JDP2: variants seen among roughly 807,000 people sequenced by gnomAD.
JDP2 encodes the protein progesterone receptor co-activator.
A neutral mutation model predicts 17.1 loss-of-function variants in JDP2; 9 were observed. The ratio of observed to expected loss-of-function variants is 0.53; its 90% CI spans 0.32 to 0.92. The LOEUF (loss-of-function observed/expected upper bound fraction) is 0.92, where lower values mean the gene tolerates loss of function less well. JDP2 is among the 40% of genes least tolerant of loss of function. JDP2 has a pLI of 0.04. For synonymous variants in JDP2, 107 were observed against 95.6 expected, an observed-to-expected ratio of 1.12 and a Z score of -0.69; for missense variants, 179 against 220.0, an observed-to-expected ratio of 0.81 and a Z score of 1.18.
At chr14:75,459,745 A>G (rs765409949) in intron 2 of JDP2, among the ~76,000 whole-genome samples, 17 of 152,308 alleles carry the variant, frequency 1.1e-4, no homozygotes, top group South Asian at 2.1e-4. Context: ...CTAATGGCCT[A>G]TGACTCTGGT....
intron 2 of JDP2, among the ~76,000 whole-genome samples, chr14:75,442,052 G>C (rs1000344294): frequency 3.9e-5 from 6 of 152,098 alleles, no homozygotes; most frequent in African/African-American, 1.4e-4. Context: ...CGGTGCTCTA[G>C]AGGGGACTCA....
At chr14:75,433,290 G>A (rs1884903534) in intron 1 of JDP2, among the ~76,000 whole-genome samples, 1 of 135,048 alleles carries the variant, frequency 7.4e-6, no homozygotes, top group Non-Finnish European at 1.6e-5. Flanking sequence ...GGCAAAAACC[G>A]TGATTACTTT....
rs115136598 is a variant in JDP2 at position 75,456,342 on chromosome 14, C to T, written c.202-5084C>T. Among the ~76,000 whole-genome samples, 1,200 of 152,278 alleles carry T rather than the reference C, an allele frequency of 7.9e-3. 12 individuals are homozygous for T. Among genetic ancestry groups the T allele is most frequent in the African/African-American group, 0.027 (1,122 of 41,550 alleles). ...GTCTCTCTCTCCCCTTCTTCATCTC[C>T]GTGTTCTGTGTGTTTCTCTGTCCCA... On this transcript the variant is annotated intron_variant, in intron 2 of 3. Transcript: ENST00000651602.
Position 75,438,100 on chromosome 14 carries a change from G to A in JDP2, c.180G>A (p.Arg60=), listed in dbSNP as rs1182251597. ...LHFLEVKLGK[R]PQPVKSELDE... is the part of the protein sequence containing the mutation. The stretch of plus-strand genomic sequence containing the variant: ...TCCTGGAGGTGAAACTGGGCAAGAG[G>A]CCCCAGCCCGTGAAAAGTGAGGTGA... The change falls in exon 2 of 4, where the codon AGG becomes AGA. Residue 60 remains arginine, a synonymous_variant. Transcript: ENST00000651602. The A allele has an allele frequency of 1.9e-6, 3 of 1,610,498 alleles. No homozygotes were observed. Among genetic ancestry groups the A allele is most frequent in the East Asian group, 4.5e-5 (2 of 44,780 alleles).
intron 2 of JDP2, among the ~76,000 whole-genome samples, chr14:75,438,698 G>T (rs1885192977): frequency 6.6e-6 from 1 of 152,214 alleles, no homozygotes; most frequent in Admixed American, 6.5e-5. Context: ...GTCCGCCTTA[G>T]ATGGCGTTTG....
At chr14:75,432,202 G>A (rs1051851332) in intron 1 of JDP2, 4 of 905,030 alleles carry the variant, frequency 4.4e-6, no homozygotes, top group Non-Finnish European at 5.2e-6. Context: ...CTTGCTTCTC[G>A]CCTTCTGGAT....
Position 75,461,551 on chromosome 14 carries a change from G to A in JDP2, c.306+21G>A, listed in dbSNP as rs762362778. ...AGCGGGTGAGCTGACCGGGTGGGTGGGGAGGCCTGCCATTCCTTGGAGTGA... is the reference window on the plus strand; with the variant it reads ...AGCGGGTGAGCTGACCGGGTGGGTGAGGAGGCCTGCCATTCCTTGGAGTGA... On this transcript the variant is annotated intron_variant, in intron 3 of 3. Transcript: ENST00000651602. 131 of 1,563,266 alleles carry A rather than the reference G, an allele frequency of 8.4e-5. 5 individuals carry two copies. In the South Asian group the frequency reaches 1.5e-3, roughly 18 times the overall value.
Position 75,461,503 on chromosome 14 carries a change from G to A in JDP2, c.279G>A (p.Lys93=). The A allele has an allele frequency of 1.2e-6, 2 of 1,608,852 alleles. No homozygotes were observed. The highest frequency in any genetic ancestry group is 1.7e-6 in the Non-Finnish European group (2 of 1,178,616). ...CAGCAGCCCGATGCCGGAACAAGAA[G>A]AAGGAGCGCACGGAGTTTCTGCAGC... ...KVAAARCRNK[K]KERTEFLQRE... is the part of the protein sequence containing the mutation. The change falls in exon 3 of 4, where the codon AAG becomes AAA. Residue 93 remains lysine (K), a synonymous_variant. Transcript: ENST00000651602.
intron 2 of JDP2, among the ~76,000 whole-genome samples, chr14:75,454,373 C>T (rs1049631434): frequency 2.0e-5 from 3 of 152,250 alleles, no homozygotes; most frequent in Admixed American, 1.3e-4. Context: ...TGAGCATCTA[C>T]GCAGCCTTGA....
At chr14:75,466,458 T>TTCAAA (rs1443937552) in intron 3 of JDP2, among the ~76,000 whole-genome samples, 6 of 152,082 alleles carry the variant, frequency 3.9e-5, no homozygotes, top group Non-Finnish European at 5.9e-5. Context: ...AAAAAGCAGT[T>TTCAAA]AGTTACATTC....
chr14:75,467,665 G>A (rs942482852), intron 3 of JDP2, among the ~76,000 whole-genome samples: 1 of 152,116 alleles, frequency 6.6e-6, no homozygotes, highest in African/African-American at 2.4e-5. Flanking sequence ...CCAGTGAGCA[G>A]GGGGCTGACA....
intron 2 of JDP2, among the ~76,000 whole-genome samples, chr14:75,452,445 C>T (rs754675914): frequency 2.0e-5 from 3 of 152,124 alleles, no homozygotes; most frequent in Non-Finnish European, 2.9e-5. Context: ...CTGATTGACT[C>T]GAGGTCACAG....
chr14:75,454,835 G>C (rs1886031209), intron 2 of JDP2, among the ~76,000 whole-genome samples: 1 of 152,042 alleles, frequency 6.6e-6, no homozygotes. Flanking sequence ...GGGCGATGTA[G>C]TGGAAGGTCA....
chr14:75,446,340 CA>C (rs57632457), intron 2 of JDP2, among the ~76,000 whole-genome samples: 16,433 of 152,156 alleles, frequency 0.11, 2,061 homozygotes, highest in African/African-American at 0.3. Flanking sequence ...CATGTCCACA[CA>C]AAAACATACA....
intron 3 of JDP2, among the ~76,000 whole-genome samples, chr14:75,468,253 T>G (rs1168479314): frequency 6.6e-6 from 1 of 152,148 alleles, no homozygotes; most frequent in Non-Finnish European, 1.5e-5. Context: ...GTTTAGAGCA[T>G]CTCTGGCATC....
At chr14:75,433,905 A>T (rs1006610569) in intron 1 of JDP2, among the ~76,000 whole-genome samples, 5 of 152,120 alleles carry the variant, frequency 3.3e-5, no homozygotes, top group Admixed American at 3.3e-4. Context: ...CTAGTTACTC[A>T]TGGAGACACT....
At chr14:75,427,896 C>T (rs1367839701), upstream of JDP2, 1 of 152,110 alleles carries the variant, frequency 6.6e-6, no homozygotes, top group African/African-American at 2.4e-5. This position sits in a 1 kb window ranked among gnomAD's most constrained non-coding sequence, Gnocchi z 4.4. Flanking sequence ...CTCCCCGGTC[C>T]CCTCCTTCCC....
chr14:75,445,943 T>G (rs1885580592), intron 2 of JDP2, among the ~76,000 whole-genome samples: 1 of 152,150 alleles, frequency 6.6e-6, no homozygotes, highest in Non-Finnish European at 1.5e-5. Flanking sequence ...ATATAAAGAA[T>G]GATTACAGCT....
chr14:75,469,361 G>A lies in JDP2; in HGVS notation c.378G>A (p.Gln126=), dbSNP rs755953147. 9.9e-6 allele frequency: 16 copies of A among 1,614,154 alleles called. No homozygotes were observed. The highest frequency in any genetic ancestry group is 1.4e-5 in the Non-Finnish European group (16 of 1,179,984). Residue 126 remains glutamine, a synonymous_variant, in exon 4 of 4, where the codon CAG becomes CAA. Coordinates refer to ENST00000651602, the MANE Select transcript of JDP2 (RefSeq NM_001135048.2). The part of the protein sequence containing the change: ...TQIEELKQER[Q]QLILMLNRHR... ...TTGAGGAGCTGAAGCAGGAGCGGCA[G>A]CAGCTCATCCTGATGCTGAACCGAC...
Sources: gnomAD v4.1 joint callset for allele counts (sites outside exome capture counted in the v4.1 genomes callset) on GRCh38, gnomAD v4.1.1 for gene constraint, Gnocchi (gnomAD v3.1) non-coding constraint, MANE v1.5 for transcripts, NCBI Gene and HGNC (gene_info 2026-07-23, HGNC 2026-07-21) for gene names.